Variants in CD55 observed in about 807,000 individuals in gnomAD.
CD55 encodes CD55 molecule (Cromer blood group), also known as complement decay-accelerating factor.
CD55 carries 41 observed loss-of-function variants against 45.8 expected under a neutral mutation model. That is an observed-to-expected ratio of 0.90 (90% CI 0.70 to 1.16). The LOEUF is 1.16. CD55 is among the 50% of genes most tolerant of loss of function. The pLI is 0.00. For synonymous variants in CD55, 181 were observed against 181.1 expected (o/e 1.00, Z 0.01); for missense variants, 416 against 469.8 (o/e 0.89, Z 1.06).
At chr1:207,323,423 A>C (rs1423690299) in intron 2 of CD55, among the ~76,000 whole-genome samples, 1 of 152,146 alleles carries the variant, frequency 6.6e-6, no homozygotes, top group East Asian at 1.9e-4. Context: ...TTTGATACTG[A>C]TACCTAGTAG....
At chr1:207,326,611 A>G in intron 4 of CD55, 141 bp from the exon 5 acceptor site, 1 of 645,072 alleles carries the variant, frequency 1.6e-6, no homozygotes, top group Non-Finnish European at 2.7e-6. Flanking sequence ...CCTTTAAACT[A>G]CTGTGTGGAC....
intron 9 of CD55, among the ~76,000 whole-genome samples, chr1:207,348,192 A>G (rs1188919645): frequency 1.3e-5 from 2 of 152,236 alleles, no homozygotes; most frequent in Admixed American, 6.5e-5. Context: ...CCAGCAATGT[A>G]TAAGTGTTCT....
intron 6 of CD55, among the ~76,000 whole-genome samples, chr1:207,332,609 G>A (rs1371311354): frequency 1.3e-5 from 2 of 152,092 alleles, no homozygotes; most frequent in Non-Finnish European, 2.9e-5. Context: ...GAAGTTTAGT[G>A]TGTGTGCTTT....
chr1:207,334,189 T>C (rs1190525634), intron 6 of CD55, among the ~76,000 whole-genome samples: 1 of 152,140 alleles, frequency 6.6e-6, no homozygotes, highest in African/African-American at 2.4e-5. Context: ...AACTGATTAC[T>C]GCTCAGCAAA....
chr1:207,342,279 A>G (rs909778289), intron 9 of CD55, among the ~76,000 whole-genome samples: 1 of 152,120 alleles, frequency 6.6e-6, no homozygotes, highest in Non-Finnish European at 1.5e-5. Context: ...TTGGTTCTCT[A>G]TGAGCCAAAT....
chr1:207,330,974 T>C, intron 5 of CD55, 134 bp from the exon 6 acceptor site: 3 of 685,760 alleles, frequency 4.4e-6, no homozygotes, highest in Non-Finnish European at 7.1e-6. Flanking sequence ...AAGCATCTCT[T>C]GTTGGTAATG....
In CD55 at chr1:207,359,536, T is replaced by TTTTTA; in HGVS notation, c.1082-10_1082-9insTTTTA. On this transcript the variant is annotated splice_polypyrimidine_tract_variant and intron_variant, in intron 9 of 9. Coordinates refer to ENST00000367064, the MANE Select transcript of CD55 (RefSeq NM_000574.5). ...TTTAACTTTTTTTTTTTTTTTTTTT[T>TTTTTA]AATTTTCAGGGCACACGTGTTTCAC... The TTTTTA allele has an allele frequency of 1.9e-6, 3 of 1,539,616 alleles. No homozygotes were observed. Among genetic ancestry groups the TTTTTA allele is most frequent in the Admixed American group, 2.0e-5 (1 of 48,814 alleles).
chr1:207,331,734 T>G (rs914507058), intron 6 of CD55, among the ~76,000 whole-genome samples: 1 of 152,340 alleles, frequency 6.6e-6, no homozygotes, highest in East Asian at 1.9e-4. Flanking sequence ...GAATTAACAT[T>G]CAATTCTTTT....
At chr1:207,353,936 A>G in intron 9 of CD55, 1 of 1,424,960 alleles carries the variant, frequency 7.0e-7, no homozygotes, top group Non-Finnish European at 9.5e-7. Context: ...TAAGTATGAT[A>G]TAAGCAAGAA....
At chr1:207,332,824 G>A (rs961273716) in intron 6 of CD55, among the ~76,000 whole-genome samples, 3 of 152,100 alleles carry the variant, frequency 2.0e-5, no homozygotes, top group Admixed American at 6.5e-5. Flanking sequence ...GAAGCAACAA[G>A]GTCTGAATGA....
Position 207,343,599 on chromosome 1 carries a change from T to G in CD55, c.1081+4182T>G, listed in dbSNP as rs540842603. ...GACTTGTTTGGTATCCTAACATATG[T>G]TCTATTCTGGAGATTGTTTCATGTG... On this transcript the variant is annotated intron_variant, in intron 9 of 9. Transcript: ENST00000367064. Among the ~76,000 whole-genome samples, 28 of 152,320 alleles carry G rather than the reference T, an allele frequency of 1.8e-4. 1 individual carries two copies. Among genetic ancestry groups the G allele is most frequent in the African/African-American group, 6.3e-4 (26 of 41,586 alleles).
At chr1:207,328,149 C>T (rs1411083831) in intron 5 of CD55, among the ~76,000 whole-genome samples, 1 of 152,196 alleles carries the variant, frequency 6.6e-6, no homozygotes, top group Non-Finnish European at 1.5e-5. Flanking sequence ...ATCTAGGCCA[C>T]AGCCTTGCTT....
chr1:207,326,700 G>T, intron 4 of CD55, 52 bp from the exon 5 acceptor site: 4 of 1,347,792 alleles, frequency 3.0e-6, no homozygotes, highest in Non-Finnish European at 4.3e-6. Context: ...TTTGAGGAAA[G>T]TCAAATATGT....
At chr1:207,321,973 C>A in intron 1 of CD55, 108 bp downstream of exon 1, 1 of 775,042 alleles carries the variant, frequency 1.3e-6, no homozygotes, top group Non-Finnish European at 2.0e-6. Context: ...GGGAGCTTGG[C>A]CCGCGGTCGT....
At chr1:207,328,090 G>A (rs901172066) in intron 5 of CD55, among the ~76,000 whole-genome samples, 1 of 152,174 alleles carries the variant, frequency 6.6e-6, no homozygotes, top group African/African-American at 2.4e-5. Context: ...CACCTGCTGT[G>A]TCATGAATTT....
At chr1:207,330,153 G>A (rs1400993835) in intron 5 of CD55, among the ~76,000 whole-genome samples, 4 of 152,100 alleles carry the variant, frequency 2.6e-5, no homozygotes, top group African/African-American at 9.7e-5. Context: ...CTGAACCAAT[G>A]GTGTGTGTGT....
intron 1 of CD55, 160 bp from the exon 2 acceptor site, chr1:207,322,222 C>A (rs988285380): frequency 1.3e-6 from 1 of 743,560 alleles, no homozygotes; most frequent in South Asian, 1.5e-5. Context: ...CTGACCGTTC[C>A]CCACTCTCGA....
chr1:207,328,247 A>G (rs567486142), intron 5 of CD55, among the ~76,000 whole-genome samples: 1 of 152,336 alleles, frequency 6.6e-6, no homozygotes, highest in Non-Finnish European at 1.5e-5. Context: ...TGACTCAGCA[A>G]CCACTGACAT....
intron 9 of CD55, among the ~76,000 whole-genome samples, chr1:207,350,558 T>C (rs554273296): frequency 3.8e-4 from 58 of 152,296 alleles, no homozygotes; most frequent in African/African-American, 1.3e-3. Context: ...GTTCAGGTAT[T>C]TAATTTCTTC....
Sources: allele counts gnomAD v4.1 joint callset (sites outside exome capture counted in the v4.1 genomes callset), GRCh38; gene constraint gnomAD v4.1.1; transcripts MANE v1.5; gene names NCBI Gene and HGNC (gene_info 2026-07-23, HGNC 2026-07-21).